Variants in KCND2 observed in about 807,000 individuals in gnomAD.
KCND2 encodes the protein potassium voltage-gated channel subfamily D member 2.
In KCND2, 16 loss-of-function variants were observed where a neutral mutation model predicts 54.4. That is an observed-to-expected ratio of 0.29 (90% CI 0.20 to 0.45). The LOEUF is 0.45. KCND2 is among the 20% of genes least tolerant of loss of function. The probability of loss-of-function intolerance (pLI) is 1.00; values close to 1 mark genes in which losing one functional copy is unlikely to be tolerated. For missense variants in KCND2, 486 were observed against 824.2 expected (o/e 0.59, Z 5.02); for synonymous variants, 317 against 310.7 (o/e 1.02, Z -0.21).
Position 120,274,915 on chromosome 7 carries a change from A to G in KCND2, c.283A>G (p.Ile95Val). ...CCGTGACCCAGACATCTTCCGCCAC[A>G]TCCTGAATTTCTACCGCACTGGGAA... is the stretch of plus-strand genomic sequence containing the variant. ...FDRDPDIFRH[I>V]LNFYRTGKLH... Residue 95 changes from isoleucine (I) to valine (V), a missense_variant, in exon 1 of 6, where the codon ATC becomes GTC. Around this residue, in one of 7 missense-constraint regions of KCND2, gnomAD observed 231 missense variants for 386.0 expected, o/e 0.60. Transcript: ENST00000331113. 6.2e-7 allele frequency: 1 copy of G among 1,614,040 alleles called. No homozygotes were observed. The highest frequency in any genetic ancestry group is 1.1e-5 in the South Asian group (1 of 91,070).
At chr7:120,579,756 A>G (rs768985342) in intron 1 of KCND2, among the ~76,000 whole-genome samples, 13 of 152,086 alleles carry the variant, frequency 8.5e-5, no homozygotes, top group Non-Finnish European at 1.8e-4. Context: ...CCTTGGAATC[A>G]AGATCCATTT....
intron 1 of KCND2, among the ~76,000 whole-genome samples, chr7:120,400,305 T>A (rs1362849532): frequency 6.6e-6 from 1 of 152,172 alleles, no homozygotes; most frequent in African/African-American, 2.4e-5. Flanking sequence ...GAGAAAATTT[T>A]AAAAAATGTA....
chr7:120,517,777 T>A (rs1803217510), intron 1 of KCND2, among the ~76,000 whole-genome samples: 1 of 152,164 alleles, frequency 6.6e-6, no homozygotes, highest in African/African-American at 2.4e-5. Context: ...GGTTTTCATT[T>A]TAGGAGTGCA....
intron 1 of KCND2, among the ~76,000 whole-genome samples, chr7:120,675,768 A>G (rs988048430): frequency 2.0e-5 from 3 of 151,754 alleles, no homozygotes; most frequent in African/African-American, 7.3e-5. Context: ...TATCTAATTT[A>G]TCATAGTATT....
intron 1 of KCND2, among the ~76,000 whole-genome samples, chr7:120,426,866 C>G (rs866271479): frequency 6.6e-6 from 1 of 152,050 alleles, no homozygotes; most frequent in Non-Finnish European, 1.5e-5. Context: ...GTGATCCGCC[C>G]GCTTCAGCCT....
chr7:120,418,250 A>G (rs1801552583), intron 1 of KCND2, among the ~76,000 whole-genome samples: 1 of 152,216 alleles, frequency 6.6e-6, no homozygotes, highest in Non-Finnish European at 1.5e-5. Flanking sequence ...GCCTTTCAGA[A>G]GGTTATATCC....
At chr7:120,742,660 T>C in intron 4 of KCND2, 58 bp downstream of exon 4, 2 of 1,299,794 alleles carry the variant, frequency 1.5e-6, no homozygotes, top group East Asian at 4.6e-5. Flanking sequence ...CATTTGCTTT[T>C]GTGCATACTT....
At chr7:120,315,059 A>G (rs375882707) in intron 1 of KCND2, among the ~76,000 whole-genome samples, 11 of 152,182 alleles carry the variant, frequency 7.2e-5, no homozygotes, top group African/African-American at 2.7e-4. Context: ...GAAGTAAATT[A>G]TCAATTTACC....
At chr7:120,311,814 T>A (rs1799739537) in intron 1 of KCND2, among the ~76,000 whole-genome samples, 1 of 152,160 alleles carries the variant, frequency 6.6e-6, no homozygotes, top group South Asian at 2.1e-4. Context: ...AGTGAGAACA[T>A]GCTGTATTTG....
chr7:120,447,520 C>G (rs1202768809), intron 1 of KCND2, among the ~76,000 whole-genome samples: 1 of 152,070 alleles, frequency 6.6e-6, no homozygotes, highest in Non-Finnish European at 1.5e-5. Context: ...AGAAATGACT[C>G]AGAGGCCATA....
chr7:120,579,705 A>T (rs531520535), intron 1 of KCND2, among the ~76,000 whole-genome samples: 218 of 151,632 alleles, frequency 1.4e-3, no homozygotes, highest in African/African-American at 4.6e-3. Flanking sequence ...TCTTTTTTTT[A>T]AAAAAAATCA....
rs114759076 is a variant in KCND2 at position 120,364,709 on chromosome 7, C to T, written c.1115+88962C>T. Among the ~76,000 whole-genome samples the T allele has an allele frequency of 4.7e-3, 712 of 152,046 alleles. 2 individuals carry two copies. The highest frequency in any genetic ancestry group is 0.016 in the African/African-American group (664 of 41,488). On this transcript the variant is annotated intron_variant, in intron 1 of 5. Coordinates refer to ENST00000331113, the MANE Select transcript of KCND2 (RefSeq NM_012281.3). The stretch of plus-strand genomic sequence containing the variant: ...GAGGATTCTGGCTAAACTGACCCCA[C>T]GGTATTTTTGCTGAAGACAGGCCAG...
chr7:120,599,255 T>A (rs1452484170), intron 1 of KCND2, among the ~76,000 whole-genome samples: 1 of 152,112 alleles, frequency 6.6e-6, no homozygotes, highest in Non-Finnish European at 1.5e-5. Flanking sequence ...TAAGATGAAT[T>A]CTCTAACCTT....
chr7:120,383,712 T>G (rs1800945290), intron 1 of KCND2, among the ~76,000 whole-genome samples: 1 of 152,118 alleles, frequency 6.6e-6, no homozygotes, highest in South Asian at 2.1e-4. Context: ...GTGTGTGAAC[T>G]GGGTTATCCC....
chr7:120,746,163 A>G (rs1793003752), intron 5 of KCND2, 136 bp downstream of exon 5: 3 of 959,478 alleles, frequency 3.1e-6, no homozygotes, highest in Middle Eastern at 2.8e-4. Context: ...ATGGTAGCGT[A>G]ACAAGTAGGA....
chr7:120,445,207 T>A (rs907834412), intron 1 of KCND2, among the ~76,000 whole-genome samples: 1 of 152,194 alleles, frequency 6.6e-6, no homozygotes. Context: ...AATAGAAATG[T>A]GAAATTTTAA....
chr7:120,417,824 C>A (rs1453410503), intron 1 of KCND2, among the ~76,000 whole-genome samples: 2 of 152,038 alleles, frequency 1.3e-5, no homozygotes, highest in Non-Finnish European at 2.9e-5. Context: ...GTCAAGAGTT[C>A]AAAGAGAGAA....
chr7:120,702,204 G>A (rs1176229184), intron 1 of KCND2, among the ~76,000 whole-genome samples: 13 of 152,130 alleles, frequency 8.5e-5, no homozygotes, highest in Non-Finnish European at 1.9e-4. Context: ...CAACATCAGT[G>A]ATCATTGGAG....
At chr7:120,529,610 T>A (rs556583742) in intron 1 of KCND2, among the ~76,000 whole-genome samples, 25 of 152,286 alleles carry the variant, frequency 1.6e-4, no homozygotes, top group South Asian at 4.2e-4. Flanking sequence ...TTCTTGTGCA[T>A]AGGCATTCAG....
Sources: gnomAD v4.1 joint callset for allele counts (sites outside exome capture counted in the v4.1 genomes callset) on GRCh38, gnomAD v4.1.1 for gene constraint, gnomAD v4.1.1 regional missense constraint, MANE v1.5 for transcripts, NCBI Gene and HGNC (gene_info 2026-07-23, HGNC 2026-07-21) for gene names.